The following PARD3B variants were observed in gnomAD, a reference collection of about 807,000 sequenced individuals.
The protein encoded by PARD3B is par-3 family cell polarity regulator beta, also known as partitioning defective 3 homolog B.
PARD3B carries 103 observed loss-of-function variants against 130.2 expected under a neutral mutation model. The ratio of observed to expected loss-of-function variants is 0.79; its 90% CI spans 0.67 to 0.93. PARD3B has a LOEUF of 0.93. Among genes scored for constraint, PARD3B ranks in the 40% least tolerant of loss-of-function variants. The pLI, the probability that PARD3B is intolerant of heterozygous loss-of-function variation, is 0.00. For synonymous variants in PARD3B, 583 were observed against 553.2 expected (o/e 1.05, Z -0.76); for missense variants, 1,609 against 1,499.2 (o/e 1.07, Z -1.21).
intron 18 of PARD3B, among the ~76,000 whole-genome samples, chr2:205,371,944 T>A (rs2044834583): frequency 1.3e-5 from 2 of 152,162 alleles, no homozygotes; most frequent in Non-Finnish European, 2.9e-5. Context: ...TCACTTAGCA[T>A]AGTGTTGTCA....
rs988656725 is a variant in PARD3B at position 205,351,350 on chromosome 2, T to G, written c.2630+49649T>G. 1.3e-5 allele frequency among the ~76,000 whole-genome samples: 2 copies of G among 152,182 alleles called. No homozygotes were observed. Among genetic ancestry groups the G allele is most frequent in the Admixed American group, 6.5e-5 (1 of 15,282 alleles). On this transcript the variant is annotated intron_variant, in intron 18 of 22. Transcript: ENST00000406610. This position sits in a 1 kb window ranked among gnomAD's most constrained non-coding sequence, Gnocchi z 4.2. Reference sequence around the variant, plus strand: ...TTAATCCCAGTTGGTTGCATTTTTTTCCTTTTTATCAGTCTAGATAGATTG... The same window carrying G: ...TTAATCCCAGTTGGTTGCATTTTTTGCCTTTTTATCAGTCTAGATAGATTG...
At chr2:204,710,509 G>A (rs1412492022) in intron 2 of PARD3B, among the ~76,000 whole-genome samples, 1 of 152,208 alleles carries the variant, frequency 6.6e-6, no homozygotes, top group Non-Finnish European at 1.5e-5. Flanking sequence ...TGTGAGGCAT[G>A]CTCATGTGGT....
At position 204,729,994 on chromosome 2, in the gene PARD3B, CACAA is replaced by C. The variant is rs1312371417; in HGVS notation, c.222+43716_222+43719del. ...CTTTCTAGTTACAGATACACACACA[CACAA>C]ACACACACACACACACACACACACA... On this transcript the variant is annotated intron_variant, in intron 2 of 22. Coordinates refer to ENST00000406610, the MANE Select transcript of PARD3B (RefSeq NM_001302769.2). Among the ~76,000 whole-genome samples, 448 of 122,042 alleles carry C rather than the reference CACAA, an allele frequency of 3.7e-3. 1 individual carries two copies. The highest frequency in any genetic ancestry group is 5.7e-3 in the Non-Finnish European group (346 of 60,540). 80.1% of individuals were successfully genotyped at this position (122,042 alleles called of 152,430 possible).
chr2:204,990,651 G>A (rs1693585258), intron 3 of PARD3B, among the ~76,000 whole-genome samples: 1 of 152,066 alleles, frequency 6.6e-6, no homozygotes, highest in African/African-American at 2.4e-5. Flanking sequence ...GTGTGTGTGT[G>A]TATGCTACAA....
chr2:205,366,909 G>C lies in PARD3B; in HGVS notation c.2631-34104G>C, dbSNP rs942014394. 6.6e-6 allele frequency among the ~76,000 whole-genome samples: 1 copy of C among 152,196 alleles called. No individual in the cohort carries two copies. Among genetic ancestry groups the C allele is most frequent in the African/African-American group, 2.4e-5 (1 of 41,448 alleles). On this transcript the variant is annotated intron_variant, in intron 18 of 22. Transcript: ENST00000406610. This position sits in a 1 kb window ranked among gnomAD's most constrained non-coding sequence, Gnocchi z 5.0. ...AGTTGCTGCCACAGATGTCCTAAGG[G>C]AGCGGAAGCTGAATCATCACACTTA...
chr2:205,299,662 G>A (rs538215127), intron 16 of PARD3B, among the ~76,000 whole-genome samples: 1 of 146,518 alleles, frequency 6.8e-6, no homozygotes, highest in South Asian at 2.2e-4. Context: ...GGGAATGGAG[G>A]TCAAGGAATG....
intron 3 of PARD3B, among the ~76,000 whole-genome samples, chr2:205,004,762 A>G (rs1695116247): frequency 6.6e-6 from 1 of 152,216 alleles, no homozygotes; most frequent in Non-Finnish European, 1.5e-5. Context: ...TAGGATTAAA[A>G]CCAGAAATTA....
At chr2:204,645,537 A>T (rs1184958425) in intron 1 of PARD3B, among the ~76,000 whole-genome samples, 1 of 152,150 alleles carries the variant, frequency 6.6e-6, no homozygotes, top group Non-Finnish European at 1.5e-5. Context: ...TTTCCTGCAT[A>T]TTCCAACTTT....
intron 2 of PARD3B, among the ~76,000 whole-genome samples, chr2:204,931,052 C>G (rs1346350107): frequency 6.6e-6 from 1 of 151,990 alleles, no homozygotes; most frequent in East Asian, 1.9e-4. Flanking sequence ...AAAGCAGTTC[C>G]ATTTATTGGC....
In PARD3B at chr2:205,461,449, G is replaced by T. The variant is rs1003323905; in HGVS notation, c.3044+20777G>T. Among the ~76,000 whole-genome samples the T allele has an allele frequency of 6.6e-6, 1 of 152,120 alleles. No homozygotes were observed. The highest frequency in any genetic ancestry group is 2.4e-5 in the African/African-American group (1 of 41,436). On this transcript the variant is annotated intron_variant, in intron 20 of 22. Transcript: ENST00000406610. The surrounding 1 kb of genome is among the most constrained non-coding windows in gnomAD (Gnocchi z 4.3). Reference sequence around the variant, plus strand: ...GAACCAAGAGGTATTCCCTAGCACGGACTGCCATGTAGAAAAGGTCCCCTA... The same window carrying T: ...GAACCAAGAGGTATTCCCTAGCACGTACTGCCATGTAGAAAAGGTCCCCTA...
At chr2:205,316,067 CTGGTTTATA>C (rs1436427654) in intron 18 of PARD3B, among the ~76,000 whole-genome samples, 35 of 152,184 alleles carry the variant, frequency 2.3e-4, no homozygotes, top group African/African-American at 7.2e-4. Flanking sequence ...GAATGACTGA[CTGGTTTATA>C]TGGTGTGCTA....
intron 16 of PARD3B, among the ~76,000 whole-genome samples, chr2:205,251,562 A>G (rs1344061415): frequency 6.6e-6 from 1 of 152,204 alleles, no homozygotes; most frequent in Non-Finnish European, 1.5e-5. Context: ...CTTTAATTCA[A>G]GAGCAATGAG....
rs112300502 is a variant in PARD3B at position 204,638,974 on chromosome 2, T to A, written c.121-47207T>A. ...CTATGTGTCCTTGGGCAATTTTTTT[T>A]AACTCTGCTGAGGCTGGCTTTATGA... On this transcript the variant is annotated intron_variant, in intron 1 of 22. Coordinates refer to ENST00000406610, the MANE Select transcript of PARD3B (RefSeq NM_001302769.2). 3.3e-3 allele frequency among the ~76,000 whole-genome samples: 504 copies of A among 152,316 alleles called. 2 individuals are homozygous for A. The highest frequency in any genetic ancestry group is 0.011 in the African/African-American group (469 of 41,556).
intron 3 of PARD3B, among the ~76,000 whole-genome samples, chr2:204,972,230 T>G (rs1176907131): frequency 6.6e-6 from 1 of 152,214 alleles, no homozygotes; most frequent in African/African-American, 2.4e-5. Flanking sequence ...TACCTCCTTT[T>G]GCAGATGAAT....
chr2:205,159,125 A>C (rs962520234), intron 11 of PARD3B, among the ~76,000 whole-genome samples: 18 of 152,210 alleles, frequency 1.2e-4, no homozygotes, highest in Admixed American at 1.0e-3. Context: ...ACCTCTAAAA[A>C]CCCAACATGA....
chr2:205,283,861 C>T (rs543735226), intron 16 of PARD3B, among the ~76,000 whole-genome samples: 31 of 152,268 alleles, frequency 2.0e-4, no homozygotes, highest in African/African-American at 6.3e-4. Flanking sequence ...AGTAAGCCAG[C>T]GGCCTTTCCA....
At chr2:205,431,342 G>A (rs1382714264) in intron 19 of PARD3B, among the ~76,000 whole-genome samples, 3 of 151,936 alleles carry the variant, frequency 2.0e-5, no homozygotes, top group Non-Finnish European at 4.4e-5. Flanking sequence ...CTCCCAAAGT[G>A]CTGGGATTAC....
intron 20 of PARD3B, among the ~76,000 whole-genome samples, chr2:205,451,364 G>T (rs1411087067): frequency 6.6e-6 from 1 of 152,146 alleles, no homozygotes; most frequent in South Asian, 2.1e-4. Context: ...TGGCAAAAAG[G>T]TGTTGAAAAT....
At chr2:205,394,814 C>T (rs1443615483) in intron 18 of PARD3B, among the ~76,000 whole-genome samples, 1 of 152,100 alleles carries the variant, frequency 6.6e-6, no homozygotes, top group African/African-American at 2.4e-5. Flanking sequence ...GAAGGAAAGT[C>T]AAATAGCAGT....
Sources: allele counts gnomAD v4.1 joint callset (sites outside exome capture counted in the v4.1 genomes callset), GRCh38; gene constraint gnomAD v4.1.1; non-coding constraint Gnocchi (gnomAD v3.1); transcripts MANE v1.5; gene names NCBI Gene and HGNC (gene_info 2026-07-23, HGNC 2026-07-21).